CSMD3: variants seen among roughly 807,000 people sequenced by gnomAD.
The protein encoded by CSMD3 is CUB and Sushi multiple domains 3, also known as CUB and sushi domain-containing protein 3.
A neutral mutation model predicts 435.2 loss-of-function variants in CSMD3; 177 were observed. That is an observed-to-expected ratio of 0.41 (90% confidence interval 0.36 to 0.46). The LOEUF is 0.46. Among genes scored for constraint, CSMD3 ranks in the 20% least tolerant of loss-of-function variants. The probability of loss-of-function intolerance (pLI) is 0.34; values close to 1 mark genes in which losing one functional copy is unlikely to be tolerated. For synonymous variants in CSMD3, 1,656 were observed against 1,520.5 expected (o/e 1.09, Z -2.07); for missense variants, 4,265 against 4,504.6 (o/e 0.95, Z 1.52).
intron 7 of CSMD3, among the ~76,000 whole-genome samples, chr8:112,957,589 G>T (rs894643145): frequency 6.6e-6 from 1 of 151,702 alleles, no homozygotes; most frequent in African/African-American, 2.4e-5. Flanking sequence ...GAGTAGCTGG[G>T]ATTACAGGCG....
chr8:112,521,028 A>C (rs1239400972), intron 27 of CSMD3, among the ~76,000 whole-genome samples: 1 of 151,944 alleles, frequency 6.6e-6, no homozygotes, highest in African/African-American at 2.4e-5. Flanking sequence ...AGTATTAAAC[A>C]CTGTTAAGGA....
At chr8:112,758,005 G>A (rs959829160) in intron 13 of CSMD3, among the ~76,000 whole-genome samples, 4 of 152,158 alleles carry the variant, frequency 2.6e-5, no homozygotes, top group Non-Finnish European at 4.4e-5. Context: ...GCAGTGAGCC[G>A]TGATCAGGCA....
intron 38 of CSMD3, among the ~76,000 whole-genome samples, chr8:112,359,027 CT>C (rs953708479): frequency 1.9e-4 from 29 of 151,982 alleles, no homozygotes; most frequent in African/African-American, 7.0e-4. Flanking sequence ...AAAATGTTTG[CT>C]TTTTTGCCAA....
chr8:112,551,742 A>G (rs1310456589), intron 26 of CSMD3, among the ~76,000 whole-genome samples: 2 of 152,128 alleles, frequency 1.3e-5, no homozygotes, highest in African/African-American at 4.8e-5. Flanking sequence ...ACCAACTCAC[A>G]CTGCATCCAT....
intron 4 of CSMD3, among the ~76,000 whole-genome samples, chr8:113,171,759 T>C (rs1338999880): frequency 6.6e-6 from 1 of 152,192 alleles, no homozygotes; most frequent in Non-Finnish European, 1.5e-5. Flanking sequence ...ATTTCTCCAT[T>C]GAATGCTCAT....
chr8:112,305,911 T>C, intron 51 of CSMD3, 96 bp downstream of exon 51: 1 of 1,020,580 alleles, frequency 9.8e-7, no homozygotes, highest in Non-Finnish European at 1.6e-6. Context: ...CATTTCAGTT[T>C]AGGGATTGGT....
intron 45 of CSMD3, among the ~76,000 whole-genome samples, chr8:112,331,400 T>G (rs1204692745): frequency 6.6e-6 from 1 of 152,014 alleles, no homozygotes; most frequent in African/African-American, 2.4e-5. Flanking sequence ...TGCCTCAACA[T>G]TTACGCTTGT....
At chr8:113,219,113 A>G (rs1387945677) in intron 3 of CSMD3, among the ~76,000 whole-genome samples, 2 of 151,438 alleles carry the variant, frequency 1.3e-5, no homozygotes, top group East Asian at 1.9e-4. Context: ...TCTAAAATCA[A>G]TATCTTATTT....
chr8:112,705,177 C>T (rs191260131), intron 13 of CSMD3, among the ~76,000 whole-genome samples: 4 of 152,148 alleles, frequency 2.6e-5, no homozygotes, highest in East Asian at 3.9e-4. Context: ...ACAGCAGATA[C>T]GAACTTTCTG....
intron 2 of CSMD3, among the ~76,000 whole-genome samples, chr8:113,291,256 A>G (rs779655815): frequency 1.1e-4 from 17 of 151,924 alleles, no homozygotes; most frequent in South Asian, 2.1e-4. Flanking sequence ...AAAGTCTGCT[A>G]TAATACATGT....
chr8:112,922,511 A>C (rs1449538246), intron 9 of CSMD3, among the ~76,000 whole-genome samples: 1 of 151,544 alleles, frequency 6.6e-6, no homozygotes, highest in Admixed American at 6.6e-5. Context: ...TCTCCCTCCT[A>C]GCCGCCCCCA....
In CSMD3 at chr8:112,761,966, T is replaced by A. The variant is rs192010408; in HGVS notation, c.1972+38196A>T. 2.4e-3 allele frequency among the ~76,000 whole-genome samples: 368 copies of A among 152,136 alleles called. 6 individuals are homozygous for A. The highest frequency in any genetic ancestry group is 8.4e-3 in the African/African-American group (349 of 41,546). On this transcript the variant is annotated intron_variant, in intron 13 of 70. Transcript: ENST00000297405. ...GACAGCTACGTGGACAATAGTATAT[T>A]TATAAGATTTTCACCTTTAATATAA... is the stretch of plus-strand genomic sequence containing the variant.
At chr8:112,366,321 G>T (rs1377475630) in intron 38 of CSMD3, among the ~76,000 whole-genome samples, 1 of 152,156 alleles carries the variant, frequency 6.6e-6, no homozygotes, top group Non-Finnish European at 1.5e-5. Context: ...CTGCAACAAT[G>T]CTCCTGCTCA....
At chr8:113,110,975 G>T (rs553089342) in intron 4 of CSMD3, among the ~76,000 whole-genome samples, 3 of 152,254 alleles carry the variant, frequency 2.0e-5, no homozygotes, top group South Asian at 4.1e-4. Flanking sequence ...ATGAGCTCCT[G>T]TGGGCCTATT....
chr8:113,034,837 G>A (rs1264073557), intron 5 of CSMD3, among the ~76,000 whole-genome samples: 1 of 151,948 alleles, frequency 6.6e-6, no homozygotes, highest in African/African-American at 2.4e-5. Context: ...ACTACCAGAG[G>A]TAGAATATTA....
At chr8:112,273,492 G>C (rs1439112287) in intron 59 of CSMD3, among the ~76,000 whole-genome samples, 1 of 151,920 alleles carries the variant, frequency 6.6e-6, no homozygotes, top group Non-Finnish European at 1.5e-5. Flanking sequence ...TTGGGAGGCC[G>C]AGGCGGGTGG....
chr8:113,118,747 C>T (rs1388761738), intron 4 of CSMD3, among the ~76,000 whole-genome samples: 6 of 152,132 alleles, frequency 3.9e-5, no homozygotes, highest in Admixed American at 1.3e-4. Context: ...GGTTTTCTGA[C>T]TTCTTTATCA....
chr8:112,372,399 TTAA>T lies in CSMD3; in HGVS notation c.6136+7950_6136+7952del, dbSNP rs1563855622. Among the ~76,000 whole-genome samples the T allele has an allele frequency of 2.6e-5, 4 of 152,094 alleles. 1 individual carries two copies. Among genetic ancestry groups the T allele is most frequent in the Admixed American group, 1.3e-4 (2 of 15,260 alleles). ...TGAAATGACCAAATATCTGGAAATA[TTAA>T]TAAGACCAAGGTGTAGAAAGGGTTG... On this transcript the variant is annotated intron_variant, in intron 38 of 70. Transcript: ENST00000297405.
At chr8:112,656,427 A>G (rs1430558276) in intron 17 of CSMD3, 86 bp from the exon 18 acceptor site, 11 of 996,658 alleles carry the variant, frequency 1.1e-5, no homozygotes, top group African/African-American at 3.3e-5. Flanking sequence ...TTAAATTCCT[A>G]TTTAAAATTT....
Sources: allele counts gnomAD v4.1 joint callset (sites outside exome capture counted in the v4.1 genomes callset), GRCh38; gene constraint gnomAD v4.1.1; transcripts MANE v1.5; gene names NCBI Gene and HGNC (gene_info 2026-07-23, HGNC 2026-07-21).